Variants in NFYA observed in about 807,000 individuals in gnomAD.
The protein encoded by NFYA is nuclear transcription factor Y subunit alpha, also known as CAAT-box DNA binding protein subunit A.
NFYA carries 28 observed loss-of-function variants against 52.8 expected under a neutral mutation model. The ratio of observed to expected loss-of-function variants is 0.53; its 90% confidence interval spans 0.39 to 0.73. The LOEUF is 0.73. Ranked by LOEUF, NFYA falls within the 30% of genes least tolerant of loss-of-function variation. The probability of loss-of-function intolerance (pLI) is 0.00; values close to 1 mark genes in which losing one functional copy is unlikely to be tolerated. For missense variants in NFYA, 234 were observed against 427.0 expected (o/e 0.55, Z 3.98); for synonymous variants, 150 against 150.7 (o/e 1.00, Z 0.03).
chr6:41,073,820 G>A (rs2114077570), intron 1 of NFYA, among the ~76,000 whole-genome samples: 1 of 152,242 alleles, frequency 6.6e-6, no homozygotes, highest in Admixed American at 6.5e-5. Context: ...CGGGTCTCCG[G>A]CCCGGCGCCG....
At chr6:41,076,617 A>G (rs1763739141) in intron 1 of NFYA, among the ~76,000 whole-genome samples, 1 of 152,238 alleles carries the variant, frequency 6.6e-6, no homozygotes, top group Non-Finnish European at 1.5e-5. Context: ...CACTGAGAAG[A>G]GAATGCACTA....
At position 41,082,935 on chromosome 6, in the gene NFYA, G is replaced by A. The variant is rs75380093; in HGVS notation, c.163-1111G>A. Among the ~76,000 whole-genome samples, 369 of 152,296 alleles carry A rather than the reference G, an allele frequency of 2.4e-3. 6 individuals are homozygous for A. The South Asian group carries it at 0.04, about 17-fold the overall frequency. On this transcript the variant is annotated intron_variant, in intron 3 of 9. Transcript: ENST00000341376. ...ATACATTAGTGGTGGTGGCAGTGGC[G>A]GCGGTGGTGGTGGTGATTGTAGGAG... is the stretch of plus-strand genomic sequence containing the variant.
rs564190493 is a variant in NFYA at position 41,085,055 on chromosome 6, C to CA, written c.309+872dup. ...AATTAGATATTTCTCATCGAGATGG[C>CA]AAAAAAAAACAAAAAGTCATTATAT... On this transcript the variant is annotated intron_variant, in intron 4 of 9. Coordinates refer to ENST00000341376, the MANE Select transcript of NFYA (RefSeq NM_002505.5). 1.1e-3 allele frequency among the ~76,000 whole-genome samples: 166 copies of CA among 146,176 alleles called. 1 individual carries two copies. Among genetic ancestry groups the CA allele is most frequent in the Non-Finnish European group, 2.0e-3 (130 of 66,202 alleles).
At chr6:41,084,231 G>T in intron 4 of NFYA, 39 bp downstream of exon 4, 1 of 1,598,480 alleles carries the variant, frequency 6.3e-7, no homozygotes, top group Admixed American at 1.7e-5. Context: ...TATATCAGAG[G>T]AGAGGTTTCA....
At chr6:41,095,578 G>A (rs938522442) in intron 9 of NFYA, among the ~76,000 whole-genome samples, 4 of 151,898 alleles carry the variant, frequency 2.6e-5, no homozygotes, top group East Asian at 1.9e-4. Context: ...CTATAGCCAC[G>A]CACCACCATG....
intron 1 of NFYA, among the ~76,000 whole-genome samples, chr6:41,076,081 A>T (rs1763726018): frequency 1.3e-5 from 2 of 152,202 alleles, no homozygotes; most frequent in South Asian, 4.1e-4. Flanking sequence ...AAATTGAGTG[A>T]GCCAATGCTG....
At chr6:41,088,824 G>C (rs1360049388) in intron 4 of NFYA, among the ~76,000 whole-genome samples, 2 of 151,926 alleles carry the variant, frequency 1.3e-5, no homozygotes, top group Non-Finnish European at 2.9e-5. Flanking sequence ...GACCTAATCT[G>C]CTCGCCTCAG....
In NFYA at chr6:41,089,563, A is replaced by C; in HGVS notation, c.310-16A>C. ...GTCAGTAGAGTACAATCCTTTTTTT[A>C]TGTTCTTTTCTGCAGATACAGTTGG... On this transcript the variant is annotated splice_polypyrimidine_tract_variant and intron_variant, in intron 4 of 9. Coordinates refer to ENST00000341376, the MANE Select transcript of NFYA (RefSeq NM_002505.5). 1 of 1,591,890 alleles carries C rather than the reference A, an allele frequency of 6.3e-7. No homozygotes were observed. Among genetic ancestry groups the C allele is most frequent in the African/African-American group, 1.4e-5 (1 of 73,592 alleles).
intron 3 of NFYA, among the ~76,000 whole-genome samples, chr6:41,083,748 A>C (rs980556368): frequency 6.6e-6 from 1 of 152,210 alleles, no homozygotes; most frequent in African/African-American, 2.4e-5. Context: ...CATTATGATT[A>C]AATGTTTGTC....
At chr6:41,094,593 G>T (rs1380852182) in intron 9 of NFYA, 96 bp downstream of exon 9, 1 of 844,778 alleles carries the variant, frequency 1.2e-6, no homozygotes, top group Non-Finnish European at 1.9e-6. Context: ...TTCCTACTCT[G>T]GGACTACTCA....
chr6:41,100,118 T>C lies in NFYA; in HGVS notation c.*2708T>C, dbSNP rs1425061696. On this transcript the variant is annotated 3_prime_UTR_variant, in exon 10 of 10. Coordinates refer to ENST00000341376, the MANE Select transcript of NFYA (RefSeq NM_002505.5). ...ATCAAACTTGTAATGTCTGAGCCTC[T>C]TAGCTTTATCTCCCCTTAATTTCTT... 1 of 152,194 alleles carries C rather than the reference T, an allele frequency of 6.6e-6. No homozygotes were observed. The highest frequency in any genetic ancestry group is 1.9e-4 in the East Asian group (1 of 5,192). The allele number at this position is 152,194 out of a possible 1,614,324, so 9.4% of individuals were successfully genotyped here.
At chr6:41,075,847 AAACTT>A (rs1300103563) in intron 1 of NFYA, 1 of 152,014 alleles carries the variant, frequency 6.6e-6, no homozygotes, top group African/African-American at 2.4e-5. Flanking sequence ...GTCCATTACT[AAACTT>A]AAAGACTCTT....
At chr6:41,093,123 T>G in intron 8 of NFYA, 38 bp downstream of exon 8, 15 of 1,547,104 alleles carry the variant, frequency 9.7e-6, no homozygotes, top group Non-Finnish European at 1.2e-5. Flanking sequence ...GAAAGGAGAA[T>G]AGCAGGGTTC....
chr6:41,095,618 A>G (rs529496609), intron 9 of NFYA, among the ~76,000 whole-genome samples: 1 of 152,272 alleles, frequency 6.6e-6, no homozygotes, highest in African/African-American at 2.4e-5. Context: ...TTTTGTAGAA[A>G]TGGAGTCTCA....
At position 41,097,390 on chromosome 6, in the gene NFYA, C is replaced by T. The variant is rs1342158004; in HGVS notation, c.1024C>T (p.Gln342Ter). ...CCAAGCCGATGAAGAAGCAATGACA[C>T]AGATCATCCGAGTGTCCTAACCCCA... ...PNQADEEAMT[Q>*]IIRVS The change falls in exon 10 of 10, where the codon CAG becomes TAG. Residue 342 changes from glutamine (Q) to a stop codon, truncating the protein, a stop_gained. Transcript: ENST00000341376. LOFTEE classifies it high-confidence loss of function. 5.6e-6 allele frequency: 9 copies of T among 1,613,920 alleles called. No homozygotes were observed. The highest frequency in any genetic ancestry group is 7.6e-6 in the Non-Finnish European group (9 of 1,179,924).
At chr6:41,091,136 C>T (rs1416380706) in intron 6 of NFYA, among the ~76,000 whole-genome samples, 1 of 152,222 alleles carries the variant, frequency 6.6e-6, no homozygotes, top group Non-Finnish European at 1.5e-5. Flanking sequence ...CTACAACTGA[C>T]TCATTGTCAG....
Position 41,097,486 on chromosome 6 carries a change from G to GA in NFYA, c.*77dup. The GA allele has an allele frequency of 6.9e-7, 1 of 1,459,330 alleles. No individual in the cohort carries two copies. The highest frequency in any genetic ancestry group is 9.6e-7 in the Non-Finnish European group (1 of 1,042,642). The allele number at this position is 1,459,330 out of a possible 1,614,324, so 90.4% of individuals were successfully genotyped here. On this transcript the variant is annotated 3_prime_UTR_variant, in exon 10 of 10. Coordinates refer to ENST00000341376, the MANE Select transcript of NFYA (RefSeq NM_002505.5). ...GGAAATTGATCAACTCTTCCAATGG[G>GA]ACATTGATGATCACATTCTGCCCTT...
intron 1 of NFYA, among the ~76,000 whole-genome samples, chr6:41,077,347 AC>A (rs1430777343): frequency 6.6e-6 from 1 of 152,118 alleles, no homozygotes; most frequent in Non-Finnish European, 1.5e-5. Flanking sequence ...CATTTTCATC[AC>A]CCTACAATGT....
rs1763978848 is a variant in NFYA, at chr6:41,084,039, A to C, written c.163-7A>C. 1 of 1,586,848 alleles carries C rather than the reference A, an allele frequency of 6.3e-7. No individual in the cohort carries two copies. The highest frequency in any genetic ancestry group is 8.6e-7 in the Non-Finnish European group (1 of 1,168,756). On this transcript the variant is annotated splice_polypyrimidine_tract_variant and splice_region_variant and intron_variant, in intron 3 of 9. Transcript: ENST00000341376. ...TATTTCATTGTTCTTATTTTATTTC[A>C]TTCTAGGTCCAAGGGCAGCCATTAA...
Sources: allele counts gnomAD v4.1 joint callset (sites outside exome capture counted in the v4.1 genomes callset), GRCh38; gene constraint gnomAD v4.1.1; transcripts MANE v1.5; gene names NCBI Gene and HGNC (gene_info 2026-07-23, HGNC 2026-07-21).